Variants in PIK3C2A observed in about 807,000 individuals in gnomAD.
PIK3C2A encodes the protein phosphatidylinositol 4-phosphate 3-kinase C2 domain-containing subunit alpha.
Under a neutral mutation model 204.5 loss-of-function variants are expected in PIK3C2A, and 97 were observed. The observed-to-expected ratio is 0.47, with a 90% CI of 0.40 to 0.56. The LOEUF (loss-of-function observed/expected upper bound fraction) is 0.56, where lower values mean the gene tolerates loss of function less well. PIK3C2A is among the 20% of genes least tolerant of loss of function. PIK3C2A has a pLI of 0.00. For synonymous variants in PIK3C2A, 653 were observed against 664.4 expected, an observed-to-expected ratio of 0.98 and a Z score of 0.26; for missense variants, 1,735 against 1,969.2, an observed-to-expected ratio of 0.88 and a Z score of 2.25.
chr11:17,174,160 T>C (rs1325093515), intron 1 of PIK3C2A, among the ~76,000 whole-genome samples: 2 of 152,024 alleles, frequency 1.3e-5, no homozygotes. Flanking sequence ...GTGAGGGCTA[T>C]TGGACAGTCT....
chr11:17,167,968 C>T (rs4756885), intron 2 of PIK3C2A, among the ~76,000 whole-genome samples: 1 of 150,832 alleles, frequency 6.6e-6, no homozygotes, highest in African/African-American at 2.4e-5. Context: ...AAACAAAATG[C>T]GTGAGAATTT....
chr11:17,183,754 C>T (rs1314343127), intron 1 of PIK3C2A, among the ~76,000 whole-genome samples: 1 of 151,908 alleles, frequency 6.6e-6, no homozygotes, highest in Non-Finnish European at 1.5e-5. Context: ...TAGTCATGTA[C>T]CACATGACAC....
At chr11:17,132,108 A>C in intron 11 of PIK3C2A, 70 bp from the exon 12 acceptor site, 1 of 891,686 alleles carries the variant, frequency 1.1e-6, no homozygotes. Context: ...CAAATACATT[A>C]GCAGTTCTTC....
intron 1 of PIK3C2A, among the ~76,000 whole-genome samples, chr11:17,186,849 AT>A (rs1396335355): frequency 1.3e-5 from 2 of 152,226 alleles, no homozygotes; most frequent in African/African-American, 4.8e-5. Flanking sequence ...GCCAAGGCGA[AT>A]GGTCAGGAAT....
At chr11:17,152,386 A>G (rs1052219542) in intron 3 of PIK3C2A, among the ~76,000 whole-genome samples, 1 of 152,176 alleles carries the variant, frequency 6.6e-6, no homozygotes, top group African/African-American at 2.4e-5. Context: ...CAAAAACCAT[A>G]AAACACCTAA....
At chr11:17,203,485 C>G (rs1249364652) in intron 1 of PIK3C2A, among the ~76,000 whole-genome samples, 1 of 152,184 alleles carries the variant, frequency 6.6e-6, no homozygotes, top group South Asian at 2.1e-4. Flanking sequence ...CAACCATAAT[C>G]CTATGAACAA....
Position 17,102,774 on chromosome 11 carries a change from C to T in PIK3C2A, c.3739G>A (p.Gly1247Ser). Residue 1247 changes from glycine to serine, a missense_variant, in exon 24 of 33, where the codon GGC (glycine) becomes AGC (serine). By Grantham distance (56) the Gly-to-Ser change is moderately conservative (BLOSUM62 0). Transcript: ENST00000691414. ...AGCCVATYVLGICDRHNDNIM... is the reference protein window; with the variant it reads ...AGCCVATYVLSICDRHNDNIM... ...TTGTCATTGTGTCGATCACAGATGC[C>T]TAAAACATAGGTGGCTACACAGCAT... The T allele has an allele frequency of 6.2e-7, 1 of 1,612,670 alleles. No homozygotes were observed. Among genetic ancestry groups the T allele is most frequent in the Non-Finnish European group, 8.5e-7 (1 of 1,178,856 alleles).
At chr11:17,150,770 G>A (rs1408739254) in intron 3 of PIK3C2A, 115 bp from the exon 4 acceptor site, 1 of 589,698 alleles carries the variant, frequency 1.7e-6, no homozygotes, top group Non-Finnish European at 2.7e-6. Context: ...TCCAACTCAA[G>A]CAGCTCATGA....
In PIK3C2A at chr11:17,148,791, T is replaced by G. The variant is rs1381474105; in HGVS notation, c.1328-4A>C. The G allele has an allele frequency of 6.2e-7, 1 of 1,606,404 alleles. No individual in the cohort carries two copies. Among genetic ancestry groups the G allele is most frequent in the Non-Finnish European group, 8.5e-7 (1 of 1,174,970 alleles). Reference sequence around the variant, plus strand: ...ATGATTTCTACAGTAGAACTCACTGTAAAAGAGTTAGTCATTATTTTCACT... The same window carrying G: ...ATGATTTCTACAGTAGAACTCACTGGAAAAGAGTTAGTCATTATTTTCACT... On this transcript the variant is annotated splice_region_variant and splice_polypyrimidine_tract_variant and intron_variant, in intron 4 of 32. Coordinates refer to ENST00000691414, the MANE Select transcript of PIK3C2A (RefSeq NM_002645.4).
chr11:17,192,715 G>A (rs1449106241), intron 1 of PIK3C2A, among the ~76,000 whole-genome samples: 1 of 152,174 alleles, frequency 6.6e-6, no homozygotes, highest in African/African-American at 2.4e-5. Context: ...CCAGAGTGCT[G>A]GGATTACAGA....
intron 24 of PIK3C2A, 64 bp downstream of exon 24, chr11:17,102,598 G>T: frequency 1.5e-6 from 2 of 1,360,066 alleles, no homozygotes; most frequent in Non-Finnish European, 2.0e-6. Context: ...CAAAGCTTGA[G>T]ACAAACTTTA....
intron 11 of PIK3C2A, among the ~76,000 whole-genome samples, chr11:17,132,529 C>G (rs1267564716): frequency 6.6e-6 from 1 of 150,856 alleles, no homozygotes; most frequent in Non-Finnish European, 1.5e-5. Flanking sequence ...CGGGGTTTCA[C>G]CTTGTTAGCC....
chr11:17,155,262 G>C (rs565412250), intron 3 of PIK3C2A, among the ~76,000 whole-genome samples: 1 of 152,216 alleles, frequency 6.6e-6, no homozygotes, highest in African/African-American at 2.4e-5. Context: ...GAAGCTTACA[G>C]GTAAGTCATA....
chr11:17,176,207 A>G (rs943228167), intron 1 of PIK3C2A, among the ~76,000 whole-genome samples: 2 of 151,448 alleles, frequency 1.3e-5, no homozygotes, highest in Non-Finnish European at 2.9e-5. Flanking sequence ...GGGTTTCACC[A>G]TGTTGGCCAG....
Position 17,089,681 on chromosome 11 carries a change from A to C in PIK3C2A, c.*57T>G. On this transcript the variant is annotated 3_prime_UTR_variant, in exon 33 of 33. Transcript: ENST00000691414. The stretch of plus-strand genomic sequence containing the variant: ...TGTGTGTGTGTCTGTGTGTGTGTGC[A>C]TGTATGCATGCACGTTTATAACTGT... 3 of 1,023,344 alleles carry C rather than the reference A, an allele frequency of 2.9e-6. No individual in the cohort carries two copies. Among genetic ancestry groups the C allele is most frequent in the Non-Finnish European group, 4.5e-6 (3 of 663,192 alleles). The allele number at this position is 1,023,344 out of a possible 1,614,324, so 63.4% of individuals were successfully genotyped here. A position where few individuals can be genotyped will look rare whatever the true frequency, so the allele number is the denominator to read the frequency against.
In PIK3C2A at chr11:17,169,433, T is replaced by C. The variant is rs374279972; in HGVS notation, c.309A>G (p.Leu103=). The C allele has an allele frequency of 6.8e-6, 11 of 1,614,162 alleles. No homozygotes were observed. In the East Asian group the frequency reaches 8.9e-5, roughly 13 times the overall value. The change falls in exon 2 of 33, where the codon CTA becomes CTG. Residue 103 remains leucine (L), a synonymous_variant. Transcript: ENST00000691414. Reference sequence around the variant, plus strand: ...TAGTCTCGAAACTGTCATCCAGCAATAGTTTCTCAAGTTCAGCTTGGGTGA... The same window carrying C: ...TAGTCTCGAAACTGTCATCCAGCAACAGTTTCTCAAGTTCAGCTTGGGTGA... ...EKLTQAELEK[L]LLDDSFETKK...
chr11:17,104,724 C>CAAAAA (rs5789973), intron 23 of PIK3C2A, among the ~76,000 whole-genome samples: 1 of 87,382 alleles, frequency 1.1e-5, no homozygotes. Flanking sequence ...GACTCCATCT[C>CAAAAA]AAAAAAAAAA....
At chr11:17,176,186 T>A (rs1051567946) in intron 1 of PIK3C2A, among the ~76,000 whole-genome samples, 1 of 151,748 alleles carries the variant, frequency 6.6e-6, no homozygotes, top group Non-Finnish European at 1.5e-5. Context: ...GTTTTTTTTT[T>A]AGTAGAGATG....
chr11:17,093,996 G>A (rs1565234975), intron 28 of PIK3C2A, among the ~76,000 whole-genome samples: 1 of 152,088 alleles, frequency 6.6e-6, no homozygotes, highest in Admixed American at 6.6e-5. Context: ...TGCTTACTAT[G>A]GTAGAGACAG....
Sources: allele counts gnomAD v4.1 joint callset (sites outside exome capture counted in the v4.1 genomes callset), GRCh38; gene constraint gnomAD v4.1.1; transcripts MANE v1.5; gene names NCBI Gene and HGNC (gene_info 2026-07-23, HGNC 2026-07-21).